IGSF11: variants seen among roughly 807,000 people sequenced by gnomAD.
IGSF11 encodes CXADR like 1.
IGSF11 carries 22 observed loss-of-function variants against 41.0 expected under a neutral mutation model. The observed-to-expected ratio is 0.54, with a 90% CI of 0.38 to 0.77. The LOEUF is 0.77. Ranked by LOEUF, IGSF11 falls within the 30% of genes least tolerant of loss-of-function variation. The pLI is 0.00. For synonymous variants in IGSF11, 219 were observed against 201.3 expected, an observed-to-expected ratio of 1.09 and a Z score of -0.74; for missense variants, 444 against 530.8, an observed-to-expected ratio of 0.84 and a Z score of 1.61.
In IGSF11 at chr3:118,902,457, A is replaced by ACCCCCC; in HGVS notation, c.*62_*63insGGGGGG. ...TTTCTTTCCCAGCACTCCCCACCCC[A>ACCCCCC]CCCTCCCCCTTGTATGAGGGCATTC... On this transcript the variant is annotated 3_prime_UTR_variant, in exon 7 of 7. Transcript: ENST00000393775. 1 of 294,468 alleles carries ACCCCCC rather than the reference A, an allele frequency of 3.4e-6. No individual in the cohort carries two copies. The highest frequency in any genetic ancestry group is 6.8e-6 in the Non-Finnish European group (1 of 147,704). 18.2% of individuals were successfully genotyped at this position (294,468 alleles called of 1,614,324 possible). A position where few individuals can be genotyped will look rare whatever the true frequency, so the allele number is the denominator to read the frequency against.
At chr3:119,001,188 T>C (rs1936795817) in intron 1 of IGSF11, among the ~76,000 whole-genome samples, 1 of 150,348 alleles carries the variant, frequency 6.7e-6, no homozygotes. Flanking sequence ...CCTTGTCATG[T>C]TATGTTAAAT....
At chr3:119,048,963 ACT>A (rs1209893428) in intron 1 of IGSF11, among the ~76,000 whole-genome samples, 2 of 152,086 alleles carry the variant, frequency 1.3e-5, no homozygotes, top group African/African-American at 4.8e-5. Context: ...CATGGTAAAA[ACT>A]CTCAATAAAT....
upstream of IGSF11, among the ~76,000 whole-genome samples, chr3:119,037,877 C>T (rs943170521): frequency 6.6e-6 from 1 of 152,120 alleles, no homozygotes; most frequent in African/African-American, 2.4e-5. Context: ...GTTTTTAATA[C>T]CTCAGATCCC....
chr3:118,971,859 C>T (rs964886915), intron 1 of IGSF11, among the ~76,000 whole-genome samples: 1 of 151,580 alleles, frequency 6.6e-6, no homozygotes, highest in Admixed American at 6.6e-5. Flanking sequence ...ACTTCTGCTC[C>T]AGTGCCTTCT....
intron 1 of IGSF11, among the ~76,000 whole-genome samples, chr3:119,139,899 A>G (rs1371761259): frequency 1.3e-5 from 2 of 152,234 alleles, no homozygotes; most frequent in Non-Finnish European, 2.9e-5. Context: ...TACTGGAGCA[A>G]AGTTTTTGTA....
At chr3:118,955,219 T>TACACACACACACACAC (rs34044399) in intron 1 of IGSF11, among the ~76,000 whole-genome samples, 2 of 144,400 alleles carry the variant, frequency 1.4e-5, no homozygotes, top group African/African-American at 5.0e-5. Context: ...TATATGTACA[T>TACACACACACACACAC]ACACACACAC....
chr3:118,968,234 C>T (rs371757256), intron 1 of IGSF11, among the ~76,000 whole-genome samples: 1 of 152,130 alleles, frequency 6.6e-6, no homozygotes, highest in Non-Finnish European at 1.5e-5. Flanking sequence ...AACCAACGCA[C>T]GACTAGGGGA....
At chr3:119,095,494 G>T (rs777570355) in intron 1 of IGSF11, among the ~76,000 whole-genome samples, 9 of 152,062 alleles carry the variant, frequency 5.9e-5, no homozygotes, top group Non-Finnish European at 1.5e-5. Context: ...GTACAGTCAG[G>T]GATTATGAAG....
upstream of IGSF11, among the ~76,000 whole-genome samples, chr3:119,105,687 C>G (rs1419796785): frequency 1.3e-5 from 2 of 152,060 alleles, no homozygotes; most frequent in Non-Finnish European, 2.9e-5. Context: ...ATTAGGAAAC[C>G]ACACATACCA....
chr3:118,997,478 C>G (rs866973025), intron 1 of IGSF11, among the ~76,000 whole-genome samples: 19 of 152,128 alleles, frequency 1.2e-4, no homozygotes, highest in African/African-American at 4.6e-4. Flanking sequence ...GGCAGCAAAG[C>G]CTGTGATTTG....
chr3:119,094,143 G>A (rs575280180), intron 1 of IGSF11, among the ~76,000 whole-genome samples: 2 of 139,650 alleles, frequency 1.4e-5, no homozygotes, highest in Non-Finnish European at 3.0e-5. Flanking sequence ...TGGGTCCCAG[G>A]AAGATGAAGG....
intron 1 of IGSF11, among the ~76,000 whole-genome samples, chr3:119,119,246 G>C (rs149370158): frequency 9.3e-4 from 141 of 152,276 alleles, no homozygotes; most frequent in African/African-American, 3.1e-3. Context: ...ACAGGAAAAA[G>C]AGTTTAAGGG....
At chr3:118,928,970 G>T (rs1403650552) in intron 2 of IGSF11, among the ~76,000 whole-genome samples, 1 of 152,004 alleles carries the variant, frequency 6.6e-6, no homozygotes, top group African/African-American at 2.4e-5. Flanking sequence ...AGTCTTTGCT[G>T]CTGCCCACCC....
chr3:119,105,633 C>G (rs1324761920), upstream of IGSF11, among the ~76,000 whole-genome samples: 1 of 152,184 alleles, frequency 6.6e-6, no homozygotes, highest in African/African-American at 2.4e-5. Context: ...AAAACTTCCT[C>G]TGACATAAAT....
chr3:118,929,962 T>C, intron 2 of IGSF11, 150 bp downstream of exon 2: 2 of 573,296 alleles, frequency 3.5e-6, no homozygotes, highest in Non-Finnish European at 5.8e-6. Flanking sequence ...AAGTGACTGA[T>C]AGGGCAGAGG....
chr3:119,114,599 C>T lies in IGSF11; in HGVS notation c.-13-9394G>A, dbSNP rs1379577136. 2.0e-5 allele frequency among the ~76,000 whole-genome samples: 3 copies of T among 152,194 alleles called. No individual in the cohort carries two copies. The East Asian group carries it at 5.8e-4, about 29-fold the overall frequency. ...ACCACCTCAGCCTGGACTTCCTTGT[C>T]CTTTTCACTATCAGCATTTTGGTTA... On this transcript the variant is annotated intron_variant, in intron 1 of 7. Transcript: ENST00000425327.
intron 2 of IGSF11, 35 bp downstream of exon 2, chr3:118,930,077 C>T (rs1559914442): frequency 1.9e-6 from 3 of 1,585,570 alleles, no homozygotes; most frequent in Non-Finnish European, 2.6e-6. Flanking sequence ...AAAAGATTAA[C>T]CTTTTAGAGG....
intron 1 of IGSF11, among the ~76,000 whole-genome samples, chr3:118,959,776 C>T (rs1945209027): frequency 6.6e-6 from 1 of 152,230 alleles, no homozygotes; most frequent in South Asian, 2.1e-4. Context: ...GGGCCGGGCG[C>T]AGTAGCTCAC....
chr3:119,076,066 T>C (rs540277352), intron 1 of IGSF11, among the ~76,000 whole-genome samples: 28 of 152,224 alleles, frequency 1.8e-4, no homozygotes, highest in African/African-American at 6.0e-4. Context: ...AACAGAGATA[T>C]AGATCAATGG....
Sources: allele counts gnomAD v4.1 joint callset (sites outside exome capture counted in the v4.1 genomes callset), GRCh38; gene constraint gnomAD v4.1.1; transcripts MANE v1.5; gene names NCBI Gene and HGNC (gene_info 2026-07-23, HGNC 2026-07-21).